Variants in ZNF577 observed in about 807,000 individuals in gnomAD.
ZNF577 encodes the protein zinc finger protein 577.
In ZNF577, 14 loss-of-function variants were observed where a neutral mutation model predicts 13.9. The ratio of observed to expected loss-of-function variants is 1.00; its 90% confidence interval spans 0.66 to 1.57. The LOEUF is 1.57. ZNF577 is among the 40% of genes most tolerant of loss of function. The probability of loss-of-function intolerance (pLI) is 0.00; values close to 1 mark genes in which losing one functional copy is unlikely to be tolerated. For synonymous variants in ZNF577, 203 were observed against 202.9 expected, an observed-to-expected ratio of 1.00 and a Z score of 0.00; for missense variants, 555 against 579.2, an observed-to-expected ratio of 0.96 and a Z score of 0.43.
intron 1 of ZNF577, among the ~76,000 whole-genome samples, chr19:51,881,421 A>G (rs2084860241): frequency 6.6e-6 from 1 of 152,208 alleles, no homozygotes; most frequent in African/African-American, 2.4e-5. Flanking sequence ...CTTACTAATC[A>G]TACAAACCAT....
At chr19:51,822,285 C>A (rs1413845938) in intron 9 of ZNF577, among the ~76,000 whole-genome samples, 1 of 152,182 alleles carries the variant, frequency 6.6e-6, no homozygotes. Flanking sequence ...ATAAAGCAAT[C>A]CCTTGCAAAG....
At chr19:51,845,736 T>C (rs549967316) in intron 5 of ZNF577, among the ~76,000 whole-genome samples, 4 of 152,256 alleles carry the variant, frequency 2.6e-5, no homozygotes, top group Non-Finnish European at 5.9e-5. Context: ...TGTCTTTCTC[T>C]GTGAGGCTTA....
At chr19:51,837,718 G>A (rs2084295911) in intron 9 of ZNF577, among the ~76,000 whole-genome samples, 2 of 152,028 alleles carry the variant, frequency 1.3e-5, no homozygotes, top group African/African-American at 4.8e-5. Context: ...GTGGGGAAAG[G>A]GGATCAATAA....
At chr19:51,848,434 T>C (rs2084365022) in intron 5 of ZNF577, among the ~76,000 whole-genome samples, 1 of 152,158 alleles carries the variant, frequency 6.6e-6, no homozygotes, top group Non-Finnish European at 1.5e-5. Flanking sequence ...GTATCTGTAC[T>C]CCCACATTTA....
intron 9 of ZNF577, chr19:51,823,622 C>T: frequency 1.3e-6 from 1 of 780,530 alleles, no homozygotes; most frequent in East Asian, 2.7e-5. Context: ...TAACCATTCA[C>T]AAGGCTCACT....
chr19:51,807,523 C>A (rs1442442142), intron 10 of ZNF577, among the ~76,000 whole-genome samples: 1 of 152,200 alleles, frequency 6.6e-6, no homozygotes, highest in Non-Finnish European at 1.5e-5. Context: ...TAAAACCTCA[C>A]AGCTGACTGC....
At chr19:51,864,608 T>C (rs2084539391), downstream of ZNF577, among the ~76,000 whole-genome samples, 2 of 151,986 alleles carry the variant, frequency 1.3e-5, no homozygotes, top group African/African-American at 4.8e-5. Context: ...GAAAGTAAAG[T>C]CTAAACTTGC....
Position 51,872,550 on chromosome 19 carries a change from T to C in ZNF577, c.1440A>G (p.Thr480=). 3.8e-6 allele frequency: 6 copies of C among 1,591,120 alleles called. No homozygotes were observed. The highest frequency in any genetic ancestry group is 5.1e-6 in the Non-Finnish European group (6 of 1,170,132). The change falls in exon 6 of 6, where the codon ACA becomes ACG. Residue 480 remains threonine (T), a synonymous_variant. Transcript: ENST00000638348. ...PSVINYILYL[T]DIVSE ...AGAAGATTTATTCTGATACAATATC[T>C]GTAAGATACAAGATATAATTTATTA...
intron 10 of ZNF577, among the ~76,000 whole-genome samples, chr19:51,810,136 A>C (rs1391526015): frequency 6.6e-6 from 1 of 152,146 alleles, no homozygotes; most frequent in Non-Finnish European, 1.5e-5. Context: ...TTCCCACTTT[A>C]GGGTTTGACC....
At position 51,872,253 on chromosome 19, in the gene ZNF577, C is replaced by T; in HGVS notation, c.*279G>A. 1 of 268,942 alleles carries T rather than the reference C, an allele frequency of 3.7e-6. No homozygotes were observed. Among genetic ancestry groups the T allele is most frequent in the East Asian group, 7.4e-5 (1 of 13,552 alleles). 16.7% of individuals were successfully genotyped at this position (268,942 alleles called of 1,614,324 possible). ...CTATGTTTCTTTGGCACACGAGGCACAATTTAGCGCTAAAAGCACCATCAC... is the reference window on the plus strand; with the variant it reads ...CTATGTTTCTTTGGCACACGAGGCATAATTTAGCGCTAAAAGCACCATCAC... On this transcript the variant is annotated 3_prime_UTR_variant, in exon 6 of 6. Coordinates refer to ENST00000638348, the MANE Select transcript of ZNF577 (RefSeq NM_001370449.1).
intron 5 of ZNF577, among the ~76,000 whole-genome samples, chr19:51,856,729 C>T (rs1309145650): frequency 2.6e-5 from 4 of 151,910 alleles, no homozygotes; most frequent in East Asian, 1.9e-4. Context: ...ACTTGGTGCT[C>T]GGGGACCTTG....
At chr19:51,815,909 G>T (rs938394993) in intron 9 of ZNF577, among the ~76,000 whole-genome samples, 1 of 150,320 alleles carries the variant, frequency 6.7e-6, no homozygotes, top group South Asian at 2.1e-4. Flanking sequence ...AAAAAGAAAA[G>T]AAAAGAAATT....
At position 51,872,670 on chromosome 19, in the gene ZNF577, C is replaced by G. The variant is rs748664535; in HGVS notation, c.1320G>C (p.Val440=). 9 of 1,614,064 alleles carry G rather than the reference C, an allele frequency of 5.6e-6. 1 individual carries two copies. The highest frequency in any genetic ancestry group is 3.3e-4 in the Middle Eastern group (2 of 6,084). The stretch of plus-strand genomic sequence containing the variant: ...CTTGATTTCTTGGAAAAGGTTGTTC[C>G]ACAATCACTACATTTCTGCCCACTA... ...ERLVGRNVVI[V]EQPFPRNQAF... The change falls in exon 6 of 6, where the codon GTG becomes GTC. Residue 440 remains valine (V), a synonymous_variant. Transcript: ENST00000638348.
At chr19:51,808,590 T>A (rs746044936) in intron 10 of ZNF577, among the ~76,000 whole-genome samples, 1 of 152,178 alleles carries the variant, frequency 6.6e-6, no homozygotes, top group Non-Finnish European at 1.5e-5. Context: ...AGAAACAGGT[T>A]CTCTTTGATT....
chr19:51,852,983 G>A (rs189441890), intron 5 of ZNF577, among the ~76,000 whole-genome samples: 269 of 151,096 alleles, frequency 1.8e-3, no homozygotes, highest in African/African-American at 6.0e-3. Context: ...CCAGGCTGGA[G>A]TGCAGTGGCA....
chr19:51,873,090 G>C lies in ZNF577; in HGVS notation c.900C>G (p.Cys300Trp), dbSNP rs752033229. The C allele has an allele frequency of 2.5e-6, 4 of 1,614,178 alleles. No homozygotes were observed. The highest frequency in any genetic ancestry group is 2.5e-6 in the Non-Finnish European group (3 of 1,180,044). Reference sequence around the variant, plus strand: ...AATAGAAGGTTCTTCCACAATCACTGCATTTATAAGGCTTATCTCCTGTGT... The same window carrying C: ...AATAGAAGGTTCTTCCACAATCACTCCATTTATAAGGCTTATCTCCTGTGT... ...RLHTGDKPYKCSDCGRTFYFK... is the reference protein window; with the variant it reads ...RLHTGDKPYKWSDCGRTFYFK... Residue 300 changes from cysteine (C) to tryptophan (W), a missense_variant, in exon 6 of 6, where the codon TGC becomes TGG. Cys to Trp is a radical substitution (Grantham distance 215, BLOSUM62 -2). Coordinates refer to ENST00000638348, the MANE Select transcript of ZNF577 (RefSeq NM_001370449.1).
chr19:51,822,569 T>A (rs1568432619), intron 9 of ZNF577, among the ~76,000 whole-genome samples: 3 of 152,208 alleles, frequency 2.0e-5, no homozygotes. Context: ...GATTTCACAA[T>A]TGCTCTCAAC....
intron 2 of ZNF577, 26 bp from the exon 3 acceptor site, chr19:51,880,427 TAAAGCAGAGAAAACC>T: frequency 6.2e-7 from 1 of 1,609,770 alleles, no homozygotes; most frequent in Non-Finnish European, 8.5e-7. Flanking sequence ...AGACACAGTT[TAAAGCAGAGAAAACC>T]CACAGGGTCT....
intron 9 of ZNF577, among the ~76,000 whole-genome samples, chr19:51,821,263 T>C (rs1052917750): frequency 6.6e-6 from 1 of 152,206 alleles, no homozygotes; most frequent in Non-Finnish European, 1.5e-5. Flanking sequence ...GTGCCAACGA[T>C]AAGAGTAGCG....
Sources: gnomAD v4.1 joint callset for allele counts (sites outside exome capture counted in the v4.1 genomes callset) on GRCh38, gnomAD v4.1.1 for gene constraint, MANE v1.5 for transcripts, NCBI Gene and HGNC (gene_info 2026-07-23, HGNC 2026-07-21) for gene names.